ZCCHC14: variants seen among roughly 807,000 people sequenced by gnomAD.
ZCCHC14 encodes zinc finger CCHC domain-containing protein 14.
A neutral mutation model predicts 85.0 loss-of-function variants in ZCCHC14; 16 were observed. The observed-to-expected ratio is 0.19, with a 90% CI of 0.13 to 0.29. ZCCHC14 has a LOEUF of 0.29. Ranked by LOEUF, ZCCHC14 falls within the 10% of genes least tolerant of loss-of-function variation. ZCCHC14 has a pLI of 1.00. For synonymous variants in ZCCHC14, 775 were observed against 630.7 expected, an observed-to-expected ratio of 1.23 and a Z score of -3.43; for missense variants, 1,303 against 1,443.5, an observed-to-expected ratio of 0.90 and a Z score of 1.58.
chr16:87,484,250 C>A (rs986868599), intron 1 of ZCCHC14, among the ~76,000 whole-genome samples: 2 of 152,218 alleles, frequency 1.3e-5, no homozygotes, highest in Non-Finnish European at 2.9e-5. Flanking sequence ...TTAAAACGTC[C>A]TGGGTGCCCT....
chr16:87,420,017 C>A lies in ZCCHC14; in HGVS notation c.951-140G>T. 1 of 628,106 alleles carries A rather than the reference C, an allele frequency of 1.6e-6. No homozygotes were observed. Among genetic ancestry groups the A allele is most frequent in the Non-Finnish European group, 2.6e-6 (1 of 379,458 alleles). 38.9% of individuals were successfully genotyped at this position (628,106 alleles called of 1,614,324 possible). On this transcript the variant is annotated intron_variant, in intron 5 of 12. Coordinates refer to ENST00000671377, the MANE Select transcript of ZCCHC14 (RefSeq NM_015144.3). This position sits in a 1 kb window ranked among gnomAD's most constrained non-coding sequence, Gnocchi z 5.0. ...GAAGTGCCAGAGCCTCATATTCTTC[C>A]TGCTTTAATTCAACTGAGTTCTTGC...
intron 11 of ZCCHC14, 33 bp downstream of exon 11, chr16:87,413,022 C>G (rs1322794401): frequency 3.1e-6 from 5 of 1,613,996 alleles, no homozygotes; most frequent in African/African-American, 2.7e-5. Context: ...ACAGCTGGGC[C>G]AGGTCGAGCC....
chr16:87,423,771 G>C (rs200973947), intron 4 of ZCCHC14, 39 bp downstream of exon 4: 16 of 1,605,552 alleles, frequency 1.0e-5, no homozygotes, highest in Non-Finnish European at 1.3e-5. Flanking sequence ...TGGGGAATGT[G>C]ATTCTTTTAA....
chr16:87,408,296 A>G lies in ZCCHC14; in HGVS notation c.*1984T>C, dbSNP rs909821440. 1 of 152,534 alleles carries G rather than the reference A, an allele frequency of 6.6e-6. No individual in the cohort carries two copies. Among genetic ancestry groups the G allele is most frequent in the African/African-American group, 2.4e-5 (1 of 41,452 alleles). 9.4% of individuals were successfully genotyped at this position (152,534 alleles called of 1,614,324 possible). ...AGTGTTGAAATAGGATTTATTTAAA[A>G]TATTTCTTTGCTTAAAAAAACCAAA... On this transcript the variant is annotated 3_prime_UTR_variant, in exon 13 of 13. Transcript: ENST00000671377.
chr16:87,489,621 G>A (rs1294625346), intron 1 of ZCCHC14, among the ~76,000 whole-genome samples: 15 of 152,208 alleles, frequency 9.9e-5, no homozygotes, highest in Non-Finnish European at 1.8e-4. Flanking sequence ...GGGGCAGAAG[G>A]ATCCTGGCCA....
intron 12 of ZCCHC14, among the ~76,000 whole-genome samples, chr16:87,410,738 G>A (rs1395461357): frequency 6.6e-6 from 1 of 152,222 alleles, no homozygotes; most frequent in Non-Finnish European, 1.5e-5. Context: ...CCGCATGGCA[G>A]AGCGCCTGTC....
In ZCCHC14 at chr16:87,448,379, C is replaced by CA. The variant is rs1327200612; in HGVS notation, c.694+11628dup. ...GTAAGATCATTTCTTGATCCCTTAT[C>CA]AAAAAAAACAACAATGCGTCTCGAC... On this transcript the variant is annotated intron_variant, in intron 2 of 12. Coordinates refer to ENST00000671377, the MANE Select transcript of ZCCHC14 (RefSeq NM_015144.3). Among the ~76,000 whole-genome samples the CA allele has an allele frequency of 1.3e-4, 20 of 151,972 alleles. No homozygotes were observed. In the East Asian group the frequency reaches 3.3e-3, roughly 25 times the overall value.
chr16:87,449,034 G>A (rs901923919), intron 2 of ZCCHC14, among the ~76,000 whole-genome samples: 12 of 152,322 alleles, frequency 7.9e-5, no homozygotes, highest in African/African-American at 2.9e-4. Context: ...TTGGTCCCCA[G>A]TTCAAGGAGG....
rs1263995267 is a variant in ZCCHC14, at chr16:87,492,098, G to A, written c.141C>T (p.Cys47=). Residue 47 remains cysteine, a synonymous_variant, in exon 1 of 13, where the codon TGC becomes TGT. Transcript: ENST00000671377. The surrounding 1 kb of genome is among the most constrained non-coding windows in gnomAD (Gnocchi z 6.7). ...IPLELRFLGS[C]LEDLARKDYH... ...AGTCCTTGCGGGCCAGGTCCTCCAG[G>A]CACGAGCCGAGGAAGCGAAGCTCGA... 5.8e-6 allele frequency: 8 copies of A among 1,385,172 alleles called. No homozygotes were observed. Among genetic ancestry groups the A allele is most frequent in the African/African-American group, 1.5e-5 (1 of 65,242 alleles). The allele number at this position is 1,385,172 out of a possible 1,614,324, so 85.8% of individuals were successfully genotyped here.
At chr16:87,479,372 G>A (rs558294182) in intron 1 of ZCCHC14, among the ~76,000 whole-genome samples, 2 of 148,900 alleles carry the variant, frequency 1.3e-5, no homozygotes, top group East Asian at 4.0e-4. Context: ...AGCTGAGATC[G>A]CACCATTGCA....
chr16:87,477,151 A>AAAAAAAAAAC (rs1912054945), intron 1 of ZCCHC14, among the ~76,000 whole-genome samples: 10 of 142,248 alleles, frequency 7.0e-5, no homozygotes, highest in African/African-American at 2.9e-4. Context: ...ACAAAACAAA[A>AAAAAAAAAAC]CCAAAAAAAA....
At chr16:87,445,301 AT>A (rs1157485445) in intron 2 of ZCCHC14, among the ~76,000 whole-genome samples, 4 of 152,068 alleles carry the variant, frequency 2.6e-5, no homozygotes, top group Non-Finnish European at 5.9e-5. Context: ...TCTTGACCTC[AT>A]GATCCACCCA....
intron 1 of ZCCHC14, among the ~76,000 whole-genome samples, chr16:87,462,479 G>A (rs1223077056): frequency 6.6e-6 from 1 of 152,210 alleles, no homozygotes; most frequent in Admixed American, 6.5e-5. Flanking sequence ...AGTGGCTCAC[G>A]CCTGTAATCC....
At chr16:87,429,676 G>A (rs1287610327) in intron 3 of ZCCHC14, among the ~76,000 whole-genome samples, 1 of 151,470 alleles carries the variant, frequency 6.6e-6, no homozygotes, top group African/African-American at 2.4e-5. Flanking sequence ...GCATGATCTT[G>A]GCTCACTGCA....
chr16:87,477,835 C>A (rs1362335506), intron 1 of ZCCHC14, among the ~76,000 whole-genome samples: 3 of 147,966 alleles, frequency 2.0e-5, no homozygotes, highest in Admixed American at 6.7e-5. Context: ...CTCCACGCAT[C>A]GCTCCCGAGT....
At chr16:87,489,771 A>G (rs953168145) in intron 1 of ZCCHC14, among the ~76,000 whole-genome samples, 5 of 152,226 alleles carry the variant, frequency 3.3e-5, no homozygotes, top group Admixed American at 6.5e-5. Context: ...AGGCTCTCCT[A>G]TAAAAGACAT....
chr16:87,434,990 C>CAAAAA (rs35789742), intron 2 of ZCCHC14, among the ~76,000 whole-genome samples: 1 of 74,388 alleles, frequency 1.3e-5, no homozygotes, highest in Admixed American at 1.8e-4. Flanking sequence ...GACTTCGCCT[C>CAAAAA]AAAAAAAAAA....
chr16:87,439,871 G>C (rs1466223207), intron 2 of ZCCHC14, among the ~76,000 whole-genome samples: 1 of 152,212 alleles, frequency 6.6e-6, no homozygotes, highest in African/African-American at 2.4e-5. Flanking sequence ...CAGCACAATA[G>C]TTGTTAAGTA....
chr16:87,474,619 C>G (rs1001924994), intron 1 of ZCCHC14, among the ~76,000 whole-genome samples: 3 of 152,158 alleles, frequency 2.0e-5, no homozygotes, highest in African/African-American at 7.2e-5. Context: ...GAGCTGAGCA[C>G]TGCACGGGTT....
Sources: allele counts gnomAD v4.1 joint callset (sites outside exome capture counted in the v4.1 genomes callset), GRCh38; gene constraint gnomAD v4.1.1; non-coding constraint Gnocchi (gnomAD v3.1); transcripts MANE v1.5; gene names NCBI Gene and HGNC (gene_info 2026-07-23, HGNC 2026-07-21).